Variants in RXRG observed in about 807,000 individuals in gnomAD.
The protein encoded by RXRG is retinoic acid receptor RXR-gamma.
RXRG carries 19 observed loss-of-function variants against 49.2 expected under a neutral mutation model. That is an observed-to-expected ratio of 0.39 (90% CI 0.27 to 0.57). The LOEUF is 0.57. RXRG is among the 20% of genes least tolerant of loss of function. The pLI is 0.64. For missense variants in RXRG, 452 were observed against 592.5 expected, an observed-to-expected ratio of 0.76 and a Z score of 2.46; for synonymous variants, 224 against 216.6, an observed-to-expected ratio of 1.03 and a Z score of -0.30.
chr1:165,416,290 AT>A (rs1317578438), intron 4 of RXRG, among the ~76,000 whole-genome samples: 3 of 152,070 alleles, frequency 2.0e-5, no homozygotes, highest in Non-Finnish European at 4.4e-5. Context: ...GCCCACTTCA[AT>A]TTATCTGTGA....
At position 165,401,106 on chromosome 1, in the gene RXRG, A is replaced by T. The variant is rs1041167827; in HGVS notation, c.*157T>A. 1 of 643,052 alleles carries T rather than the reference A, an allele frequency of 1.6e-6. No homozygotes were observed. The highest frequency in any genetic ancestry group is 2.6e-6 in the Non-Finnish European group (1 of 377,438). The allele number at this position is 643,052 out of a possible 1,614,324, so 39.8% of individuals were successfully genotyped here. A position where few individuals can be genotyped will look rare whatever the true frequency, so the allele number is the denominator to read the frequency against. Reference sequence around the variant, plus strand: ...AACATCTATACAAAAGTCCACCTATAAAAGTCTCATGTGTAGAAAGGTTTT... The same window carrying T: ...AACATCTATACAAAAGTCCACCTATTAAAGTCTCATGTGTAGAAAGGTTTT... On this transcript the variant is annotated 3_prime_UTR_variant, in exon 10 of 10. Coordinates refer to ENST00000359842, the MANE Select transcript of RXRG (RefSeq NM_006917.5).
chr1:165,420,138 G>C, intron 2 of RXRG, 124 bp from the exon 3 acceptor site: 2 of 754,276 alleles, frequency 2.7e-6, no homozygotes, highest in South Asian at 7.6e-5. Context: ...TCCAAGTACA[G>C]AGTATTTGAA....
At chr1:165,430,412 G>T (rs1414506865) in intron 1 of RXRG, among the ~76,000 whole-genome samples, 1 of 152,220 alleles carries the variant, frequency 6.6e-6, no homozygotes, top group Non-Finnish European at 1.5e-5. Flanking sequence ...TAGAGAGCAG[G>T]AAGTGTCAGA....
chr1:165,404,322 G>A (rs1395129384), intron 9 of RXRG, among the ~76,000 whole-genome samples: 3 of 152,202 alleles, frequency 2.0e-5, no homozygotes, highest in African/African-American at 7.2e-5. Flanking sequence ...GCAGTTCTAA[G>A]TTCTGCCCTA....
At position 165,406,633 on chromosome 1, in the gene RXRG, G is replaced by A. The variant is rs140794306; in HGVS notation, c.1244+179C>T. The stretch of plus-strand genomic sequence containing the variant: ...TTGAGGCTAGAGGAGTGAATGGTGA[G>A]CAAGACAGATAAGGCCGCTAGCCCA... On this transcript the variant is annotated intron_variant, in intron 9 of 9. Coordinates refer to ENST00000359842, the MANE Select transcript of RXRG (RefSeq NM_006917.5). Among the ~76,000 whole-genome samples, 1,151 of 152,336 alleles carry A rather than the reference G, an allele frequency of 7.6e-3. 5 individuals carry two copies. Among genetic ancestry groups the A allele is most frequent in the Non-Finnish European group, 0.013 (857 of 68,034 alleles).
intron 1 of RXRG, among the ~76,000 whole-genome samples, chr1:165,435,849 G>T (rs961005270): frequency 3.3e-5 from 5 of 152,074 alleles, no homozygotes; most frequent in African/African-American, 4.8e-5. Flanking sequence ...TCTTTCCAGG[G>T]TCAGACAGTA....
chr1:165,436,429 A>G (rs1343647242), intron 1 of RXRG, among the ~76,000 whole-genome samples: 3 of 152,216 alleles, frequency 2.0e-5, no homozygotes, highest in Non-Finnish European at 4.4e-5. Flanking sequence ...AAAATTGTAA[A>G]CACATAATAA....
chr1:165,425,706 C>G (rs781709105), intron 2 of RXRG, among the ~76,000 whole-genome samples: 2 of 152,198 alleles, frequency 1.3e-5, no homozygotes, highest in African/African-American at 4.8e-5. Flanking sequence ...CTGCCCCATC[C>G]CCACTCCTCT....
intron 1 of RXRG, among the ~76,000 whole-genome samples, chr1:165,429,255 A>T (rs1390599335): frequency 2.0e-5 from 3 of 152,186 alleles, no homozygotes; most frequent in African/African-American, 7.2e-5. Context: ...CCAGTGCAAC[A>T]AGGGGCACAG....
At chr1:165,404,795 G>T (rs368578205) in intron 9 of RXRG, among the ~76,000 whole-genome samples, 2 of 152,110 alleles carry the variant, frequency 1.3e-5, no homozygotes, top group African/African-American at 2.4e-5. Context: ...TTTCGCTCTT[G>T]TCATCCAGGC....
At chr1:165,430,014 A>G (rs1658621036) in intron 1 of RXRG, among the ~76,000 whole-genome samples, 1 of 152,168 alleles carries the variant, frequency 6.6e-6, no homozygotes, top group South Asian at 2.1e-4. Context: ...CGTGGATCCC[A>G]TCACTAGATC....
At position 165,427,288 on chromosome 1, in the gene RXRG, C is replaced by T. The variant is rs190447260; in HGVS notation, c.297+1431G>A. On this transcript the variant is annotated intron_variant, in intron 2 of 9. Transcript: ENST00000359842. ...GCTGTGGCAGATGGGATTATTGTTC[C>T]TAATACTTCACTCCTTTTAATTCTT... is the stretch of plus-strand genomic sequence containing the variant. Among the ~76,000 whole-genome samples the T allele has an allele frequency of 2.7e-3, 417 of 152,332 alleles. 2 individuals are homozygous for T. Among genetic ancestry groups the T allele is most frequent in the African/African-American group, 9.8e-3 (408 of 41,572 alleles).
intron 2 of RXRG, among the ~76,000 whole-genome samples, chr1:165,425,715 C>T (rs577783398): frequency 1.3e-5 from 2 of 152,338 alleles, no homozygotes; most frequent in East Asian, 3.9e-4. Context: ...CCCCACTCCT[C>T]TGAGCACTGG....
intron 1 of RXRG, among the ~76,000 whole-genome samples, chr1:165,440,366 G>A (rs1381463350): frequency 6.6e-6 from 1 of 152,166 alleles, no homozygotes; most frequent in Non-Finnish European, 1.5e-5. Context: ...TACAGGTTAA[G>A]TATCTCTTAT....
chr1:165,444,824 A>G, intron 1 of RXRG, 21 bp downstream of exon 1: 1 of 1,611,480 alleles, frequency 6.2e-7, no homozygotes. Flanking sequence ...CCACGCAGTG[A>G]AGCCCAAGGG....
At chr1:165,406,733 T>C in intron 9 of RXRG, 79 bp downstream of exon 9, 2 of 1,005,900 alleles carry the variant, frequency 2.0e-6, no homozygotes, top group Non-Finnish European at 3.2e-6. Flanking sequence ...AAACAGTGCC[T>C]GCTGCACTTT....
chr1:165,431,806 G>A (rs943253152), intron 1 of RXRG, among the ~76,000 whole-genome samples: 3 of 151,870 alleles, frequency 2.0e-5, no homozygotes, highest in African/African-American at 7.3e-5. Context: ...GTGACAAAGG[G>A]CATTTTAAGT....
rs1420617005 is a variant in RXRG, at chr1:165,411,024, C to T, written c.708G>A (p.Val236=). ...CAAGTTCAGCTTCTAGAATCCTCTCCACAGGCATGTCTTCATGACCACTGG... is the reference window on the plus strand; with the variant it reads ...CAAGTTCAGCTTCTAGAATCCTCTCTACAGGCATGTCTTCATGACCACTGG... ...CATSGHEDMP[V]ERILEAELAV... is the part of the protein sequence containing the mutation. Residue 236 remains valine, a synonymous_variant, in exon 5 of 10, where the codon GTG becomes GTA. Coordinates refer to ENST00000359842, the MANE Select transcript of RXRG (RefSeq NM_006917.5). The T allele has an allele frequency of 3.7e-6, 6 of 1,614,020 alleles. No homozygotes were observed. In the African/African-American group the frequency reaches 8.0e-5, roughly 22 times the overall value.
intron 1 of RXRG, among the ~76,000 whole-genome samples, chr1:165,443,278 C>G (rs925105918): frequency 1.3e-5 from 2 of 152,178 alleles, no homozygotes; most frequent in African/African-American, 4.8e-5. Context: ...CCTTGGGGGG[C>G]CCACGAATCT....
Sources: allele counts gnomAD v4.1 joint callset (sites outside exome capture counted in the v4.1 genomes callset), GRCh38; gene constraint gnomAD v4.1.1; transcripts MANE v1.5; gene names NCBI Gene and HGNC (gene_info 2026-07-23, HGNC 2026-07-21).